DPYD: variants seen among roughly 807,000 people sequenced by gnomAD.
DPYD encodes the protein dihydropyrimidine dehydrogenase [NADP(+)].
A neutral mutation model predicts 116.2 loss-of-function variants in DPYD; 109 were observed. That is an observed-to-expected ratio of 0.94 (90% confidence interval 0.80 to 1.10). The LOEUF (loss-of-function observed/expected upper bound fraction) is 1.10. Ranked by LOEUF, DPYD falls within the 50% of genes least tolerant of loss-of-function variation. DPYD has a pLI of 0.00. For synonymous variants in DPYD, 440 were observed against 432.0 expected (o/e 1.02, Z -0.23); for missense variants, 1,302 against 1,254.5 (o/e 1.04, Z -0.57).
At chr1:97,206,895 C>A (rs574441292) in intron 19 of DPYD, among the ~76,000 whole-genome samples, 3 of 150,066 alleles carry the variant, frequency 2.0e-5, no homozygotes, top group South Asian at 2.1e-4. Context: ...ACATATATAC[C>A]TATGTATATG....
At chr1:97,229,006 G>C (rs979546846) in intron 19 of DPYD, among the ~76,000 whole-genome samples, 8 of 151,848 alleles carry the variant, frequency 5.3e-5, no homozygotes, top group African/African-American at 1.9e-4. Context: ...GACCATCCTG[G>C]CTAACATAGT....
chr1:97,222,880 A>G (rs1660867635), intron 19 of DPYD, among the ~76,000 whole-genome samples: 1 of 152,086 alleles, frequency 6.6e-6, no homozygotes, highest in Admixed American at 6.6e-5. Flanking sequence ...GCTGTCAAGT[A>G]TTTTTACTAC....
At position 97,720,439 on chromosome 1, in the gene DPYD, A is replaced by G. The variant is rs1414585791; in HGVS notation, c.483+1071T>C. On this transcript the variant is annotated intron_variant, in intron 5 of 22. Coordinates refer to ENST00000370192, the MANE Select transcript of DPYD (RefSeq NM_000110.4). ...GATCATACTTCGTAGTGGTCAGGTA[A>G]GCCTAATGCAATTTTGAATTTGGTA... The G allele has an allele frequency of 4.0e-6, 4 of 989,348 alleles. No individual in the cohort carries two copies. In the African/African-American group the frequency reaches 7.0e-5, roughly 17 times the overall value. The allele number at this position is 989,348 out of a possible 1,614,324, so 61.3% of individuals were successfully genotyped here.
intron 12 of DPYD, among the ~76,000 whole-genome samples, chr1:97,536,350 T>C (rs1557781006): frequency 6.6e-6 from 1 of 152,258 alleles, no homozygotes; most frequent in Admixed American, 6.5e-5. Flanking sequence ...CAATGATTTA[T>C]ATCAATCTTC....
chr1:97,538,067 CAAAAA>C (rs67281977), intron 12 of DPYD, among the ~76,000 whole-genome samples: 1 of 124,550 alleles, frequency 8.0e-6, no homozygotes, highest in Admixed American at 8.1e-5. Flanking sequence ...AACTCTGTCT[CAAAAA>C]AAAAAAAAAA....
intron 13 of DPYD, among the ~76,000 whole-genome samples, chr1:97,491,262 T>C (rs1678960152): frequency 6.7e-6 from 1 of 149,044 alleles, no homozygotes; most frequent in Admixed American, 6.7e-5. Context: ...AATAATAATA[T>C]GAATAGAATA....
intron 16 of DPYD, among the ~76,000 whole-genome samples, chr1:97,322,363 T>G (rs1027551403): frequency 1.3e-5 from 2 of 151,982 alleles, no homozygotes; most frequent in African/African-American, 2.4e-5. Flanking sequence ...TGCTTGCTTG[T>G]TTTTGCCAGC....
At chr1:97,768,404 T>C (rs1034231469) in intron 3 of DPYD, among the ~76,000 whole-genome samples, 5 of 152,174 alleles carry the variant, frequency 3.3e-5, no homozygotes, top group African/African-American at 1.2e-4. Context: ...AAATACACTT[T>C]TTTGCAAGCA....
intron 5 of DPYD, among the ~76,000 whole-genome samples, chr1:97,719,165 CA>C (rs1005459699): frequency 7.1e-3 from 340 of 48,210 alleles, no homozygotes; most frequent in African/African-American, 0.02. Flanking sequence ...CCAACCCTGC[CA>C]AAAAAAAAAA....
chr1:97,310,104 T>C (rs1667412139), intron 16 of DPYD, among the ~76,000 whole-genome samples: 1 of 151,766 alleles, frequency 6.6e-6, no homozygotes, highest in Non-Finnish European at 1.5e-5. Context: ...ACCTAGTAAT[T>C]TTCACTCTGT....
At chr1:97,528,197 G>A (rs1326953404) in intron 12 of DPYD, among the ~76,000 whole-genome samples, 2 of 152,106 alleles carry the variant, frequency 1.3e-5, no homozygotes, top group African/African-American at 4.8e-5. Flanking sequence ...TTCCATGATG[G>A]AAAGGCCTAG....
intron 8 of DPYD, among the ~76,000 whole-genome samples, chr1:97,608,516 G>A (rs893185944): frequency 1.3e-4 from 20 of 151,784 alleles, no homozygotes; most frequent in East Asian, 1.2e-3. Flanking sequence ...GTAACGTAGC[G>A]ACACCTAGGT....
At chr1:97,441,156 C>G (rs181065552) in intron 14 of DPYD, among the ~76,000 whole-genome samples, 7 of 151,976 alleles carry the variant, frequency 4.6e-5, no homozygotes, top group South Asian at 2.1e-4. Context: ...ACATTACTGC[C>G]TGGTATAGTT....
In DPYD at chr1:97,711,258, T is replaced by G. The variant is rs12565248; in HGVS notation, c.483+10252A>C. 5.3e-5 allele frequency among the ~76,000 whole-genome samples: 8 copies of G among 152,002 alleles called. No individual in the cohort carries two copies. In the East Asian group the frequency reaches 1.5e-3, roughly 29 times the overall value. On this transcript the variant is annotated intron_variant, in intron 5 of 22. Coordinates refer to ENST00000370192, the MANE Select transcript of DPYD (RefSeq NM_000110.4). ...TAGAGTGGTTAAAACTGACCAAATA[T>G]AGATGAAAACGTTAAGTGTTTATAG...
chr1:97,785,527 C>T (rs929685611), intron 3 of DPYD, among the ~76,000 whole-genome samples: 2 of 152,086 alleles, frequency 1.3e-5, no homozygotes, highest in African/African-American at 2.4e-5. Context: ...CATCAACAGT[C>T]TTCAATGCCG....
intron 3 of DPYD, among the ~76,000 whole-genome samples, chr1:97,791,273 T>C (rs1198253534): frequency 1.3e-5 from 2 of 152,192 alleles, no homozygotes; most frequent in Non-Finnish European, 2.9e-5. Context: ...CAAATGTCCA[T>C]ACATTTCCAA....
chr1:97,486,657 C>T (rs1678658807), intron 13 of DPYD, among the ~76,000 whole-genome samples: 1 of 151,946 alleles, frequency 6.6e-6, no homozygotes, highest in Non-Finnish European at 1.5e-5. Flanking sequence ...TAGTGCTATC[C>T]AAATCAAATT....
chr1:97,323,236 G>T (rs1570520318), intron 16 of DPYD, among the ~76,000 whole-genome samples: 2 of 133,688 alleles, frequency 1.5e-5, no homozygotes, highest in Non-Finnish European at 3.3e-5. Context: ...ATGTATATAT[G>T]TATACACATT....
At chr1:97,285,984 G>C (rs1416322349) in intron 18 of DPYD, among the ~76,000 whole-genome samples, 1 of 152,042 alleles carries the variant, frequency 6.6e-6, no homozygotes, top group African/African-American at 2.4e-5. Context: ...TGGTTATTTT[G>C]CTCATTAATT....
Sources: gnomAD v4.1 joint callset for allele counts (sites outside exome capture counted in the v4.1 genomes callset) on GRCh38, gnomAD v4.1.1 for gene constraint, MANE v1.5 for transcripts, NCBI Gene and HGNC (gene_info 2026-07-23, HGNC 2026-07-21) for gene names.